Variants in TBCK observed in about 807,000 individuals in gnomAD.
The protein encoded by TBCK is TBC domain-containing protein kinase-like protein.
Under a neutral mutation model 113.4 loss-of-function variants are expected in TBCK, and 99 were observed. That is an observed-to-expected ratio of 0.87 (90% CI 0.74 to 1.03). TBCK has a LOEUF of 1.03. Ranked by LOEUF, TBCK falls within the 50% of genes least tolerant of loss-of-function variation. TBCK has a pLI of 0.00. For synonymous variants in TBCK, 369 were observed against 370.8 expected, an observed-to-expected ratio of 1.00 and a Z score of 0.05; for missense variants, 1,045 against 1,061.3, an observed-to-expected ratio of 0.98 and a Z score of 0.21.
intron 20 of TBCK, among the ~76,000 whole-genome samples, chr4:106,196,545 T>C (rs1197608316): frequency 6.6e-6 from 1 of 151,990 alleles, no homozygotes; most frequent in Admixed American, 6.6e-5. Context: ...AAGAACTTTA[T>C]AAGTATATTA....
At chr4:106,234,534 C>G (rs1330803333) in intron 15 of TBCK, among the ~76,000 whole-genome samples, 1 of 152,110 alleles carries the variant, frequency 6.6e-6, no homozygotes, top group African/African-American at 2.4e-5. Context: ...GCCTCGAACT[C>G]CTGGGCTCAA....
chr4:106,197,432 T>TATATATATAA (rs753980118), intron 20 of TBCK, among the ~76,000 whole-genome samples: 1 of 146,400 alleles, frequency 6.8e-6, no homozygotes, highest in Non-Finnish European at 1.5e-5. Context: ...TATATATATA[T>TATATATATAA]AATACAAAGT....
At chr4:106,051,220 T>C (rs1734769578) in intron 25 of TBCK, among the ~76,000 whole-genome samples, 1 of 151,634 alleles carries the variant, frequency 6.6e-6, no homozygotes, top group Non-Finnish European at 1.5e-5. Context: ...AGGACACAGG[T>C]TTGGGAATAA....
rs551728504 is a variant in TBCK at position 106,194,790 on chromosome 4, A to G, written c.1861-36T>C. 1.2e-5 allele frequency: 18 copies of G among 1,514,974 alleles called. No homozygotes were observed. In the South Asian group the frequency reaches 2.2e-4, roughly 19 times the overall value. 93.8% of individuals were successfully genotyped at this position (1,514,974 alleles called of 1,614,324 possible). ...AAAAAGGGGTACAGGGAATGGATAA[A>G]AAGGAAATAAAAAAGATAATTAGAA... On this transcript the variant is annotated intron_variant, in intron 20 of 25. Coordinates refer to ENST00000394708, the MANE Select transcript of TBCK (RefSeq NM_001163435.3).
intron 23 of TBCK, among the ~76,000 whole-genome samples, chr4:106,148,278 C>T (rs1013402864): frequency 5.9e-5 from 9 of 152,166 alleles, no homozygotes; most frequent in South Asian, 2.1e-4. Flanking sequence ...CACACCTATT[C>T]GCACACTCCC....
chr4:106,305,054 G>A (rs997527896), intron 2 of TBCK, among the ~76,000 whole-genome samples: 1 of 152,066 alleles, frequency 6.6e-6, no homozygotes, highest in African/African-American at 2.4e-5. Context: ...GATTAAATCT[G>A]GGTTTGTTTG....
intron 23 of TBCK, among the ~76,000 whole-genome samples, chr4:106,160,208 T>G (rs145670528): frequency 6.6e-6 from 1 of 152,074 alleles, no homozygotes; most frequent in African/African-American, 2.4e-5. Flanking sequence ...TTCATGATAC[T>G]GGAGTTGGCA....
chr4:106,090,142 C>G (rs1401082546), intron 25 of TBCK, among the ~76,000 whole-genome samples: 1 of 152,218 alleles, frequency 6.6e-6, no homozygotes, highest in Non-Finnish European at 1.5e-5. Context: ...GCTCTGGAAT[C>G]CAGGTGGGAG....
chr4:106,120,615 A>G (rs374075205), intron 23 of TBCK, among the ~76,000 whole-genome samples: 1 of 152,178 alleles, frequency 6.6e-6, no homozygotes, highest in African/African-American at 2.4e-5. Context: ...GCAGCTGGAG[A>G]TCTGAGAACC....
chr4:106,145,655 TGAG>T (rs753147596), intron 23 of TBCK, among the ~76,000 whole-genome samples: 17 of 152,336 alleles, frequency 1.1e-4, no homozygotes, highest in Admixed American at 6.5e-4. Context: ...TGTCTTCTCT[TGAG>T]AAGTGTCTGT....
chr4:106,204,221 G>T (rs1433775324), intron 20 of TBCK, among the ~76,000 whole-genome samples: 9 of 152,178 alleles, frequency 5.9e-5, no homozygotes, highest in African/African-American at 2.2e-4. Context: ...ATGGTAAGAG[G>T]GTTGCAGGGA....
chr4:106,074,013 G>T (rs72675702), intron 25 of TBCK, among the ~76,000 whole-genome samples: 11,666 of 152,256 alleles, frequency 0.077, 512 homozygotes, highest in Middle Eastern at 0.18. Flanking sequence ...TCCTGGTACG[G>T]TCTGTCATGG....
At chr4:106,291,469 T>C (rs1382037599) in intron 3 of TBCK, among the ~76,000 whole-genome samples, 1 of 152,208 alleles carries the variant, frequency 6.6e-6, no homozygotes, top group Non-Finnish European at 1.5e-5. Flanking sequence ...ATTCTCCAAG[T>C]ATGCTTTGTA....
In TBCK at chr4:106,242,540, C is replaced by A; in HGVS notation, c.1100G>T (p.Gly367Val). 6.2e-7 allele frequency: 1 copy of A among 1,607,094 alleles called. No individual in the cohort carries two copies. The highest frequency in any genetic ancestry group is 8.5e-7 in the Non-Finnish European group (1 of 1,176,934). Reference protein sequence around the residue: ...NFLFEDGESFGQGRDRSSLLD... With the variant: ...NFLFEDGESFVQGRDRSSLLD... ...AAGCGAGCTTCTATCTCGACCTTGTCCAAAGCTTTCACCATCCTCAAAGAG... is the reference window on the plus strand; with the variant it reads ...AAGCGAGCTTCTATCTCGACCTTGTACAAAGCTTTCACCATCCTCAAAGAG... The change falls in exon 12 of 26, where the codon GGA becomes GTA. Residue 367 changes from glycine (G) to valine (V), a missense_variant. By Grantham distance (109) the Gly-to-Val change is moderately radical. Coordinates refer to ENST00000394708, the MANE Select transcript of TBCK (RefSeq NM_001163435.3).
intron 25 of TBCK, among the ~76,000 whole-genome samples, chr4:106,086,036 A>G (rs1055858702): frequency 6.6e-6 from 1 of 152,190 alleles, no homozygotes; most frequent in Non-Finnish European, 1.5e-5. Context: ...CAATTAAAAG[A>G]GCAAAAGAGG....
intron 22 of TBCK, among the ~76,000 whole-genome samples, chr4:106,177,047 C>T (rs754132382): frequency 1.4e-4 from 21 of 151,334 alleles, no homozygotes; most frequent in African/African-American, 4.8e-4. Context: ...CTATGACCTA[C>T]GACAAGCCTG....
chr4:106,191,454 T>C (rs759068856), intron 22 of TBCK, among the ~76,000 whole-genome samples: 2 of 152,224 alleles, frequency 1.3e-5, no homozygotes, highest in African/African-American at 4.8e-5. Flanking sequence ...TATTTGAAGT[T>C]TATACTATTA....
intron 19 of TBCK, among the ~76,000 whole-genome samples, chr4:106,218,228 T>A (rs1757219625): frequency 6.8e-6 from 1 of 147,204 alleles, no homozygotes; most frequent in Admixed American, 6.7e-5. Context: ...TCAAGATGGA[T>A]TAAAGACTTA....
chr4:106,212,923 A>G (rs1208751091), intron 19 of TBCK, 88 bp from the exon 20 acceptor site: 7 of 829,024 alleles, frequency 8.4e-6, no homozygotes, highest in Non-Finnish European at 2.0e-6. Context: ...TATACATTGA[A>G]TGAGATTTAA....
Sources: allele counts gnomAD v4.1 joint callset (sites outside exome capture counted in the v4.1 genomes callset), GRCh38; gene constraint gnomAD v4.1.1; transcripts MANE v1.5; gene names NCBI Gene and HGNC (gene_info 2026-07-23, HGNC 2026-07-21).